NTM: variants seen among roughly 807,000 people sequenced by gnomAD.
NTM encodes IgLON family member 2.
NTM carries 13 observed loss-of-function variants against 42.1 expected under a neutral mutation model. That is an observed-to-expected ratio of 0.31 (90% CI 0.20 to 0.49). The LOEUF is 0.49. Among genes scored for constraint, NTM ranks in the 20% least tolerant of loss-of-function variants. The pLI, the probability that NTM is intolerant of heterozygous loss-of-function variation, is 0.99. For synonymous variants in NTM, 187 were observed against 179.2 expected (o/e 1.04, Z -0.35); for missense variants, 373 against 452.8 (o/e 0.82, Z 1.60).
chr11:131,400,077 T>C (rs1944970812), intron 1 of NTM, among the ~76,000 whole-genome samples: 1 of 125,434 alleles, frequency 8.0e-6, no homozygotes, highest in South Asian at 2.9e-4. Flanking sequence ...CATGTTGTAA[T>C]AATGAAAGAG....
intron 2 of NTM, among the ~76,000 whole-genome samples, chr11:132,081,863 A>C (rs555715556): frequency 2.6e-5 from 4 of 151,302 alleles, no homozygotes; most frequent in African/African-American, 9.7e-5. Context: ...TAGGAGTTCA[A>C]ATCTAGCCTG....
chr11:131,808,037 G>A (rs978099984), intron 1 of NTM, among the ~76,000 whole-genome samples: 3 of 152,218 alleles, frequency 2.0e-5, no homozygotes, highest in African/African-American at 7.2e-5. Flanking sequence ...AGTGAGCTAA[G>A]GTTCAGCGGT....
intron 4 of NTM, among the ~76,000 whole-genome samples, chr11:132,252,278 C>G (rs1566582582): frequency 1.3e-5 from 2 of 152,154 alleles, no homozygotes; most frequent in South Asian, 4.1e-4. Context: ...ATCAGCTCTA[C>G]CATCCTAACT....
At chr11:132,060,313 G>C (rs141764349) in intron 2 of NTM, among the ~76,000 whole-genome samples, 2 of 152,168 alleles carry the variant, frequency 1.3e-5, no homozygotes, top group East Asian at 3.8e-4. Context: ...GGGGTGCTCC[G>C]TTTACCTGGT....
rs145223887 is a variant in NTM, at chr11:132,048,278, C to T, written c.168-98004C>T. 2.0e-4 allele frequency among the ~76,000 whole-genome samples: 31 copies of T among 152,260 alleles called. No homozygotes were observed. In the East Asian group the frequency reaches 3.3e-3, roughly 16 times the overall value. On this transcript the variant is annotated intron_variant, in intron 2 of 8. Transcript: ENST00000683400. ...GCCGCCACCTCCTCCCTCCCTTCAGCGGCAAAGCAGAGCCCAAGAGCCTCC... is the reference window on the plus strand; with the variant it reads ...GCCGCCACCTCCTCCCTCCCTTCAGTGGCAAAGCAGAGCCCAAGAGCCTCC...
At chr11:131,909,156 A>G (rs574027) in intron 1 of NTM, among the ~76,000 whole-genome samples, 11,118 of 152,302 alleles carry the variant, frequency 0.073, 461 homozygotes, top group East Asian at 0.16. Flanking sequence ...GTCCTAGTCA[A>G]CTATGACAAT....
chr11:132,314,509 TA>T, intron 6 of NTM, 42 bp from the exon 7 acceptor site: 1 of 1,580,918 alleles, frequency 6.3e-7, no homozygotes. Flanking sequence ...TGAGGACACA[TA>T]ACCATCTTGT....
At chr11:131,862,963 T>C (rs1352550399) in intron 1 of NTM, among the ~76,000 whole-genome samples, 2 of 152,224 alleles carry the variant, frequency 1.3e-5, no homozygotes, top group Admixed American at 1.3e-4. Context: ...CTGAAGCTTA[T>C]CCTGTCTAAA....
intron 1 of NTM, among the ~76,000 whole-genome samples, chr11:131,797,377 C>T (rs1034185358): frequency 2.6e-5 from 4 of 152,282 alleles, no homozygotes; most frequent in East Asian, 3.9e-4. Flanking sequence ...TGACCTGGCT[C>T]CTGCCCTCTA....
intron 4 of NTM, among the ~76,000 whole-genome samples, chr11:132,254,636 T>C (rs2139429620): frequency 6.6e-6 from 1 of 152,182 alleles, no homozygotes; most frequent in South Asian, 2.1e-4. Context: ...TGATCCCTTC[T>C]CTCTCTCCCA....
chr11:131,799,812 G>A (rs2091949374), intron 1 of NTM, among the ~76,000 whole-genome samples: 1 of 152,190 alleles, frequency 6.6e-6, no homozygotes, highest in African/African-American at 2.4e-5. Flanking sequence ...AATCCTAGTG[G>A]CCTGCAGTTA....
rs115609134 is a variant in NTM at position 132,227,037 on chromosome 11, T to C, written c.526+14890T>C. 3.6e-3 allele frequency among the ~76,000 whole-genome samples: 549 copies of C among 152,288 alleles called. 1 individual carries two copies. The highest frequency in any genetic ancestry group is 0.012 in the African/African-American group (515 of 41,558). ...TATGCCAGGGAGCTAGAAAAATGCA[T>C]ATGGGAATCCTAACCATACAGGTGG... On this transcript the variant is annotated intron_variant, in intron 4 of 8. Transcript: ENST00000683400.
chr11:131,976,822 A>T (rs886929191), intron 2 of NTM, among the ~76,000 whole-genome samples: 2 of 152,220 alleles, frequency 1.3e-5, no homozygotes, highest in Non-Finnish European at 2.9e-5. Context: ...GTGCTACATG[A>T]TAACACAGCC....
intron 1 of NTM, among the ~76,000 whole-genome samples, chr11:131,888,729 A>G (rs2050782665): frequency 6.6e-6 from 1 of 152,150 alleles, no homozygotes; most frequent in African/African-American, 2.4e-5. Flanking sequence ...TAGCAGAACA[A>G]TTGCTCATCC....
At chr11:131,855,924 A>G (rs2046049920) in intron 1 of NTM, among the ~76,000 whole-genome samples, 1 of 152,164 alleles carries the variant, frequency 6.6e-6, no homozygotes, top group African/African-American at 2.4e-5. Flanking sequence ...TTTATGAAAT[A>G]TTGTGGACTT....
intron 3 of NTM, among the ~76,000 whole-genome samples, chr11:132,176,690 CTG>C (rs2076862694): frequency 7.6e-6 from 1 of 132,046 alleles, no homozygotes; most frequent in African/African-American, 2.8e-5. Context: ...ATTTTAGCCT[CTG>C]TGAATCCTAG....
chr11:132,122,042 C>T (rs1385182380), intron 2 of NTM, among the ~76,000 whole-genome samples: 1 of 152,208 alleles, frequency 6.6e-6, no homozygotes, highest in East Asian at 1.9e-4. Context: ...GAAAGGGGAG[C>T]ACCTAAACTG....
intron 3 of NTM, among the ~76,000 whole-genome samples, chr11:132,147,339 C>A (rs1007632675): frequency 1.3e-5 from 2 of 152,012 alleles, no homozygotes; most frequent in Non-Finnish European, 2.9e-5. Flanking sequence ...ACACTTAACC[C>A]GGTTGAAGGA....
chr11:131,971,960 C>A (rs1160085540), intron 2 of NTM, among the ~76,000 whole-genome samples: 1 of 148,826 alleles, frequency 6.7e-6, no homozygotes, highest in African/African-American at 2.5e-5. Context: ...GGAGAATGGC[C>A]TGAACCCTGG....
Sources: allele counts gnomAD v4.1 joint callset (sites outside exome capture counted in the v4.1 genomes callset), GRCh38; gene constraint gnomAD v4.1.1; transcripts MANE v1.5; gene names NCBI Gene and HGNC (gene_info 2026-07-23, HGNC 2026-07-21).